Variants in DOCK5 observed in about 807,000 individuals in gnomAD.
DOCK5 encodes the protein dedicator of cytokinesis 5.
A neutral mutation model predicts 251.8 loss-of-function variants in DOCK5; 142 were observed. That is an observed-to-expected ratio of 0.56 (90% CI 0.49 to 0.65). The LOEUF (loss-of-function observed/expected upper bound fraction) is 0.65, where lower values mean the gene tolerates loss of function less well. Among genes scored for constraint, DOCK5 ranks in the 30% least tolerant of loss-of-function variants. The probability of loss-of-function intolerance (pLI) is 0.00; values close to 1 mark genes in which losing one functional copy is unlikely to be tolerated. For synonymous variants in DOCK5, 842 were observed against 835.5 expected (o/e 1.01, Z -0.13); for missense variants, 2,111 against 2,312.3 (o/e 0.91, Z 1.79).
At chr8:25,315,673 A>G (rs1805227232) in intron 13 of DOCK5, among the ~76,000 whole-genome samples, 1 of 152,270 alleles carries the variant, frequency 6.6e-6, no homozygotes, top group Non-Finnish European at 1.5e-5. Context: ...ATTATTGCCC[A>G]CATTTTTAAT....
chr8:25,369,271 A>G (rs1800831811), intron 33 of DOCK5, among the ~76,000 whole-genome samples: 1 of 152,266 alleles, frequency 6.6e-6, no homozygotes, highest in South Asian at 2.1e-4. Flanking sequence ...TAGAAAAACA[A>G]GAATTATTAT....
Position 25,342,499 on chromosome 8 carries a change from G to C in DOCK5, c.2609G>C (p.Arg870Pro). The C allele has an allele frequency of 7.6e-6, 12 of 1,581,952 alleles. No homozygotes were observed. The highest frequency in any genetic ancestry group is 1.1e-5 in the South Asian group (1 of 87,062). The change falls in exon 25 of 52, where the codon CGA becomes CCA. Residue 870 changes from arginine to proline, a missense_variant. Physicochemically the swap from Arg to Pro is moderately radical, Grantham distance 103. This residue lies in a region of DOCK5 where 1,717 missense variants were observed against 1,892.4 expected (regional missense o/e 0.91). Transcript: ENST00000276440. ...AAGATAGTAGAGAGCACTCTTTTTC[G>C]ACAGTCAGGTAAGTCTCCTTCAAAA... ...MTKIVESTLF[R>P]QSECREVLLP...
intron 28 of DOCK5, among the ~76,000 whole-genome samples, chr8:25,362,205 C>T (rs914197740): frequency 2.0e-5 from 3 of 152,144 alleles, no homozygotes; most frequent in African/African-American, 7.2e-5. Flanking sequence ...GGTGATTCTG[C>T]TTCTTGTGTG....
intron 14 of DOCK5, among the ~76,000 whole-genome samples, chr8:25,317,573 C>T (rs994659330): frequency 1.3e-5 from 2 of 152,112 alleles, no homozygotes; most frequent in Non-Finnish European, 2.9e-5. Context: ...TGGAAGAGCC[C>T]TGGGGTAGGC....
At chr8:25,262,624 C>T (rs1284635203) in intron 2 of DOCK5, among the ~76,000 whole-genome samples, 1 of 152,164 alleles carries the variant, frequency 6.6e-6, no homozygotes, top group East Asian at 1.9e-4. Context: ...GGAGACCCTT[C>T]TTAACTCCTC....
intron 1 of DOCK5, 32 bp downstream of exon 1, chr8:25,184,983 A>G: frequency 7.5e-7 from 1 of 1,341,740 alleles, no homozygotes; most frequent in Non-Finnish European, 9.6e-7. Context: ...TCCCGGCCCG[A>G]CCCACGCGGC....
chr8:25,310,617 G>T, intron 13 of DOCK5, 85 bp downstream of exon 13: 1 of 1,452,822 alleles, frequency 6.9e-7, no homozygotes. Flanking sequence ...CTTGGATCCA[G>T]AAGACTTGGT....
chr8:25,302,544 G>A (rs999321079), intron 10 of DOCK5, 90 bp downstream of exon 10: 1 of 1,401,662 alleles, frequency 7.1e-7, no homozygotes, highest in Middle Eastern at 2.1e-4. Context: ...CATGGAACTA[G>A]CAAATGATCC....
intron 1 of DOCK5, among the ~76,000 whole-genome samples, chr8:25,192,093 A>G: frequency 6.6e-6 from 1 of 152,118 alleles, no homozygotes; most frequent in Non-Finnish European, 1.5e-5. Context: ...CCTGCAAAGG[A>G]CATGAACTCA....
chr8:25,311,617 G>C (rs1441151737), intron 13 of DOCK5, among the ~76,000 whole-genome samples: 1 of 151,000 alleles, frequency 6.6e-6, no homozygotes, highest in Non-Finnish European at 1.5e-5. Context: ...CTTACCTATT[G>C]CACAAAAATT....
intron 1 of DOCK5, among the ~76,000 whole-genome samples, chr8:25,201,159 G>A (rs963718766): frequency 6.6e-6 from 1 of 152,098 alleles, no homozygotes; most frequent in South Asian, 2.1e-4. Context: ...CGCCCACCTC[G>A]GCCTCCCAAA....
intron 40 of DOCK5, among the ~76,000 whole-genome samples, chr8:25,383,596 T>A (rs566733249): frequency 6.6e-6 from 1 of 152,362 alleles, no homozygotes; most frequent in South Asian, 2.1e-4. Context: ...GGCTCATGCC[T>A]GTAATCCCAG....
intron 28 of DOCK5, among the ~76,000 whole-genome samples, chr8:25,360,831 TA>T (rs781554610): frequency 3.3e-5 from 5 of 152,150 alleles, no homozygotes; most frequent in Non-Finnish European, 4.4e-5. Flanking sequence ...AGGGAGGTTT[TA>T]AGGTCAAACC....
chr8:25,286,203 G>T (rs1307305995), intron 5 of DOCK5, among the ~76,000 whole-genome samples: 1 of 152,112 alleles, frequency 6.6e-6, no homozygotes, highest in Non-Finnish European at 1.5e-5. Context: ...GGACCCAGGT[G>T]TTACAGCTAC....
chr8:25,323,251 G>A (rs1805473616), intron 16 of DOCK5, among the ~76,000 whole-genome samples: 1 of 152,206 alleles, frequency 6.6e-6, no homozygotes, highest in Admixed American at 6.5e-5. Context: ...TTCTGGGGAG[G>A]AAGGGTAAAG....
At position 25,278,661 on chromosome 8, in the gene DOCK5, A is replaced by G. The variant is rs148024053; in HGVS notation, c.317A>G (p.Tyr106Cys). Residue 106 changes from tyrosine (Y) to cysteine (C), a missense_variant, in exon 5 of 52, where the codon TAC becomes TGC. By Grantham distance (194) the Tyr-to-Cys change is radical. Coordinates refer to ENST00000276440, the MANE Select transcript of DOCK5 (RefSeq NM_024940.8). ...TGGGCTGTCATCTGGCGAAAGCTCT[A>G]CGTGGTGAGTTTCCCCTTGTGGCTT... ...REWAVIWRKL[Y>C]VNNKLTLFRQ... The G allele has an allele frequency of 6.8e-6, 11 of 1,613,586 alleles. No individual in the cohort carries two copies. In the African/African-American group the frequency reaches 1.1e-4, roughly 16 times the overall value.
At chr8:25,312,651 TACTC>T (rs1805132232) in intron 13 of DOCK5, among the ~76,000 whole-genome samples, 1 of 151,560 alleles carries the variant, frequency 6.6e-6, no homozygotes, top group Admixed American at 6.6e-5. Flanking sequence ...TAGTCCCAGT[TACTC>T]AGGAGGCTGA....
chr8:25,384,595 G>T (rs1481984848), intron 40 of DOCK5, among the ~76,000 whole-genome samples: 1 of 151,600 alleles, frequency 6.6e-6, no homozygotes, highest in Non-Finnish European at 1.5e-5. Context: ...AAGTAGCAGG[G>T]ATTACAGGTG....
chr8:25,235,799 C>CT (rs924321586), intron 1 of DOCK5, among the ~76,000 whole-genome samples: 24,109 of 128,558 alleles, frequency 0.19, 2,620 homozygotes, highest in African/African-American at 0.23. Context: ...TTTTCTTTTC[C>CT]TTTTTTTTTT....
Sources: allele counts gnomAD v4.1 joint callset (sites outside exome capture counted in the v4.1 genomes callset), GRCh38; gene constraint gnomAD v4.1.1; regional missense constraint gnomAD v4.1.1; transcripts MANE v1.5; gene names NCBI Gene and HGNC (gene_info 2026-07-23, HGNC 2026-07-21).